The following AR variants were observed in gnomAD, a reference collection of about 807,000 sequenced individuals.
AR encodes dihydrotestosterone receptor.
A neutral mutation model predicts 53.9 loss-of-function variants in AR; 8 were observed. The observed-to-expected ratio is 0.15, with a 90% CI of 0.09 to 0.27. AR has a LOEUF of 0.27. Among genes scored for constraint, AR ranks in the 10% least tolerant of loss-of-function variants. The pLI is 1.00. For synonymous variants in AR, 359 were observed against 316.4 expected, an observed-to-expected ratio of 1.13 and a Z score of -1.43; for missense variants, 639 against 742.5, an observed-to-expected ratio of 0.86 and a Z score of 1.62.
At chrX:67,614,131 G>C (rs1924000459) in intron 1 of AR, among the ~76,000 whole-genome samples, 1 of 112,220 alleles carries the variant, frequency 8.9e-6, no homozygotes, top group Non-Finnish European at 1.9e-5. Flanking sequence ...TGAGGTTACT[G>C]TGCAGAGGCA....
At chrX:67,623,760 AAG>A (rs1204241183) in intron 1 of AR, among the ~76,000 whole-genome samples, 1 of 111,901 alleles carries the variant, frequency 8.9e-6, no homozygotes, top group Non-Finnish European at 1.9e-5. Context: ...ATAAGAAAAA[AAG>A]AGAGAAAATT....
chrX:67,721,565 C>T (rs1256726692), intron 5 of AR, among the ~76,000 whole-genome samples: 2 of 111,236 alleles, frequency 1.8e-5, no homozygotes, highest in Admixed American at 9.5e-5. Flanking sequence ...GGCACAGAGA[C>T]CTGGAAATTC....
chrX:67,561,417 TAAC>T (rs1921296138), intron 1 of AR, among the ~76,000 whole-genome samples: 1 of 111,598 alleles, frequency 9.0e-6, no homozygotes, highest in Non-Finnish European at 1.9e-5. Flanking sequence ...ACAGTAAAAA[TAAC>T]AATTCGACAG....
intron 3 of AR, among the ~76,000 whole-genome samples, chrX:67,704,625 T>C (rs1821606174): frequency 1.8e-5 from 2 of 112,126 alleles, no homozygotes; most frequent in Non-Finnish European, 3.8e-5. Context: ...TAGTTTCTTT[T>C]GCTGTGTAGA....
intron 3 of AR, among the ~76,000 whole-genome samples, chrX:67,691,811 T>A (rs1358505718): frequency 1.8e-5 from 2 of 111,574 alleles, no homozygotes; most frequent in African/African-American, 6.5e-5. Flanking sequence ...TAAAGTTAAT[T>A]ATGTTGGGTC....
intron 1 of AR, among the ~76,000 whole-genome samples, chrX:67,567,249 A>C (rs1224695368): frequency 9.0e-6 from 1 of 111,448 alleles, no homozygotes; most frequent in African/African-American, 3.3e-5. Context: ...TAAGTGCCTT[A>C]TTTAACTGTA....
At chrX:67,664,577 G>A (rs908054554) in intron 2 of AR, among the ~76,000 whole-genome samples, 6 of 112,279 alleles carry the variant, frequency 5.3e-5, no homozygotes, top group Admixed American at 3.8e-4. Context: ...AACCACTTGA[G>A]GAGGCAGTCT....
At chrX:67,691,150 G>C (rs1162087162) in intron 3 of AR, among the ~76,000 whole-genome samples, 2 of 112,175 alleles carry the variant, frequency 1.8e-5, no homozygotes, top group African/African-American at 3.2e-5. Context: ...AGGCCAGCTA[G>C]AGAGAAATTT....
At chrX:67,685,855 GT>G in intron 2 of AR, 154 bp from the exon 3 acceptor site, 1 of 808,740 alleles carries the variant, frequency 1.2e-6, no homozygotes, top group Non-Finnish European at 1.7e-6. Context: ...GAATATTTAG[GT>G]TCTGTATGAT....
intron 1 of AR, among the ~76,000 whole-genome samples, chrX:67,628,547 G>A (rs1328761431): frequency 9.2e-6 from 1 of 108,385 alleles, no homozygotes; most frequent in Non-Finnish European, 1.9e-5. Flanking sequence ...CTGAGACAAC[G>A]GGGTTTTCTA....
intron 1 of AR, among the ~76,000 whole-genome samples, chrX:67,625,944 G>A (rs1924609398): frequency 9.0e-6 from 1 of 110,712 alleles, no homozygotes; most frequent in Non-Finnish European, 1.9e-5. Flanking sequence ...ATTTTGTTGT[G>A]GGTACAAAGT....
chrX:67,677,421 G>A (rs941428218), intron 2 of AR, among the ~76,000 whole-genome samples: 6 of 111,481 alleles, frequency 5.4e-5, no homozygotes, highest in Non-Finnish European at 7.5e-5. Flanking sequence ...AGAATGCACC[G>A]TACCCTTATC....
rs2076167525 is a variant in AR, at chrX:67,728,576, T to TAC, written c.*4736_*4737insCA. 1.5e-5 allele frequency: 1 copy of TAC among 66,879 alleles called. No individual in the cohort carries two copies. The highest frequency in any genetic ancestry group is 3.0e-5 in the Non-Finnish European group (1 of 33,783). The allele number at this position is 66,879 out of a possible 1,213,427, so 5.5% of individuals were successfully genotyped here. On this transcript the variant is annotated 3_prime_UTR_variant, in exon 8 of 8. Coordinates refer to ENST00000374690, the MANE Select transcript of AR (RefSeq NM_000044.6). ...TTGTATCCATGTTTCAAAATTGAAA[T>TAC]ATATATATATATATATATATATATA...
chrX:67,604,433 G>A (rs941862535), intron 1 of AR, among the ~76,000 whole-genome samples: 5 of 110,553 alleles, frequency 4.5e-5, no homozygotes, highest in Non-Finnish European at 9.5e-5. Context: ...CACTGTGCCC[G>A]AAGGTTACTT....
chrX:67,661,447 C>T (rs1569298314), intron 2 of AR, among the ~76,000 whole-genome samples: 1 of 111,320 alleles, frequency 9.0e-6, no homozygotes, highest in East Asian at 2.8e-4. Context: ...TTGTTAAAGG[C>T]CTTTTCTGCA....
intron 3 of AR, among the ~76,000 whole-genome samples, chrX:67,699,571 A>T (rs750045605): frequency 9.0e-6 from 1 of 111,466 alleles, no homozygotes; most frequent in South Asian, 3.8e-4. Flanking sequence ...CACCCTTCAA[A>T]TTCAACTGAA....
chrX:67,718,929 C>T (rs1193830737), intron 5 of AR, among the ~76,000 whole-genome samples: 1 of 111,759 alleles, frequency 8.9e-6, no homozygotes, highest in Non-Finnish European at 1.9e-5. Flanking sequence ...TGAGGTCCCT[C>T]GATGGCATTG....
intron 1 of AR, among the ~76,000 whole-genome samples, chrX:67,629,776 G>C (rs1924958285): frequency 9.1e-6 from 1 of 110,176 alleles, no homozygotes; most frequent in African/African-American, 3.3e-5. Context: ...CGGGCATTTA[G>C]TGCTATAAAT....
intron 1 of AR, among the ~76,000 whole-genome samples, chrX:67,612,480 G>A (rs1009981752): frequency 8.9e-6 from 1 of 112,029 alleles, no homozygotes; most frequent in African/African-American, 3.2e-5. Context: ...CTTTGCACAT[G>A]CTGTTTCCCC....
Sources: allele counts gnomAD v4.1 joint callset (sites outside exome capture counted in the v4.1 genomes callset), GRCh38; gene constraint gnomAD v4.1.1; transcripts MANE v1.5; gene names NCBI Gene and HGNC (gene_info 2026-07-23, HGNC 2026-07-21).